The following PTPRR variants were observed in gnomAD, a reference collection of about 807,000 sequenced individuals.
PTPRR encodes receptor-type tyrosine-protein phosphatase R.
A neutral mutation model predicts 77.2 loss-of-function variants in PTPRR; 38 were observed. That is an observed-to-expected ratio of 0.49 (90% CI 0.38 to 0.65). The LOEUF is 0.65. Ranked by LOEUF, PTPRR falls within the 30% of genes least tolerant of loss-of-function variation. The pLI is 0.00. For missense variants in PTPRR, 744 were observed against 799.2 expected (o/e 0.93, Z 0.83); for synonymous variants, 299 against 283.1 (o/e 1.06, Z -0.57).
At chr12:70,820,122 T>C (rs999994246) in intron 2 of PTPRR, among the ~76,000 whole-genome samples, 3 of 152,186 alleles carry the variant, frequency 2.0e-5, no homozygotes, top group Non-Finnish European at 4.4e-5. Context: ...AGGGGTGAGT[T>C]TATTTATGCA....
In PTPRR at chr12:70,771,117, CACA is replaced by C. The variant is rs1890964045; in HGVS notation, c.358-6342_358-6340del. ...CATGTATACATATGTAACTAACCTG[CACA>C]TTGTGCACATGTACCCTAAAACTTA... On this transcript the variant is annotated intron_variant, in intron 2 of 13. Coordinates refer to ENST00000283228, the MANE Select transcript of PTPRR (RefSeq NM_002849.4). Among the ~76,000 whole-genome samples the C allele has an allele frequency of 4.0e-5, 6 of 150,368 alleles. No homozygotes were observed. The South Asian group carries it at 1.3e-3, about 32-fold the overall frequency.
chr12:70,754,551 C>G, intron 4 of PTPRR: 1 of 1,593,928 alleles, frequency 6.3e-7, no homozygotes, highest in Non-Finnish European at 8.5e-7. Context: ...CCCAGGCTTT[C>G]TAAACATCCC....
chr12:70,909,276 CTCTT>C (rs946484814), intron 1 of PTPRR, among the ~76,000 whole-genome samples: 49 of 152,250 alleles, frequency 3.2e-4, no homozygotes, highest in African/African-American at 1.1e-3. Flanking sequence ...TGTGAGAACT[CTCTT>C]TGATTTCATA....
rs1013148633 is a variant in PTPRR, at chr12:70,638,300, C to T, written c.*884G>A. 3 of 152,306 alleles carry T rather than the reference C, an allele frequency of 2.0e-5. No homozygotes were observed. Among genetic ancestry groups the T allele is most frequent in the Non-Finnish European group, 2.9e-5 (2 of 67,990 alleles). 9.4% of individuals were successfully genotyped at this position (152,306 alleles called of 1,614,324 possible). A position where few individuals can be genotyped will look rare whatever the true frequency, so the allele number is the denominator to read the frequency against. On this transcript the variant is annotated 3_prime_UTR_variant, in exon 14 of 14. Transcript: ENST00000283228. ...ATTATATCATTCCTGAAGGCATATA[C>T]CTTTTGTTGAGAGAGAGATTCCAGG...
intron 1 of PTPRR, among the ~76,000 whole-genome samples, chr12:70,901,987 TA>T (rs1200243612): frequency 9.3e-5 from 14 of 151,286 alleles, no homozygotes; most frequent in African/African-American, 1.7e-4. Flanking sequence ...AACAATCCCA[TA>T]AAAAAAGTGG....
intron 2 of PTPRR, among the ~76,000 whole-genome samples, chr12:70,838,024 T>C (rs1892334411): frequency 6.6e-6 from 1 of 152,182 alleles, no homozygotes; most frequent in Non-Finnish European, 1.5e-5. Flanking sequence ...TGGAATATTA[T>C]GATTTCCCCA....
chr12:70,690,466 C>T (rs564910699), intron 8 of PTPRR, among the ~76,000 whole-genome samples: 3 of 152,226 alleles, frequency 2.0e-5, no homozygotes, highest in East Asian at 1.9e-4. Context: ...TAAAAAATAA[C>T]GTTTTAGCAA....
At chr12:70,843,716 G>A (rs1256173265) in intron 2 of PTPRR, among the ~76,000 whole-genome samples, 1 of 151,610 alleles carries the variant, frequency 6.6e-6, no homozygotes, top group Non-Finnish European at 1.5e-5. Flanking sequence ...TATATAGAAT[G>A]ACTAATATGA....
At chr12:70,789,925 A>G (rs1891394239) in intron 2 of PTPRR, among the ~76,000 whole-genome samples, 1 of 152,190 alleles carries the variant, frequency 6.6e-6, no homozygotes, top group Non-Finnish European at 1.5e-5. Context: ...CGAATAAAAA[A>G]TAAGTAGGCA....
At chr12:70,745,690 C>T in intron 6 of PTPRR, 128 bp downstream of exon 6, 2 of 1,096,744 alleles carry the variant, frequency 1.8e-6, no homozygotes, top group Non-Finnish European at 2.6e-6. Flanking sequence ...ACTACTTCAT[C>T]TGACTGTCCA....
intron 2 of PTPRR, chr12:70,788,982 T>C: frequency 9.7e-7 from 1 of 1,035,346 alleles, no homozygotes; most frequent in Middle Eastern, 2.1e-4. Flanking sequence ...TGGTACTGTT[T>C]CTAGAGACAC....
intron 12 of PTPRR, among the ~76,000 whole-genome samples, chr12:70,659,677 G>A (rs914607834): frequency 9.2e-5 from 14 of 151,994 alleles, no homozygotes; most frequent in Admixed American, 7.2e-4. Flanking sequence ...TCCAAGTTAA[G>A]TTTAGGATAA....
intron 2 of PTPRR, among the ~76,000 whole-genome samples, chr12:70,819,349 A>G (rs991661981): frequency 1.3e-5 from 2 of 152,122 alleles, no homozygotes; most frequent in Non-Finnish European, 2.9e-5. Context: ...AAAAATAGAC[A>G]TTGGCTCATA....
At chr12:70,890,601 G>C (rs1191420548) in intron 2 of PTPRR, among the ~76,000 whole-genome samples, 1 of 151,918 alleles carries the variant, frequency 6.6e-6, no homozygotes, top group Non-Finnish European at 1.5e-5. Flanking sequence ...TTTTACCCTG[G>C]CTGGAAAAAA....
At position 70,795,940 on chromosome 12, in the gene PTPRR, T is replaced by TG. The variant is rs1555176430; in HGVS notation, c.358-31163_358-31162insC. 4.9e-4 allele frequency among the ~76,000 whole-genome samples: 66 copies of TG among 133,514 alleles called. 1 individual carries two copies. The highest frequency in any genetic ancestry group is 1.8e-3 in the African/African-American group (65 of 35,262). 87.6% of individuals were successfully genotyped at this position (133,514 alleles called of 152,430 possible). A position where few individuals can be genotyped will look rare whatever the true frequency, so the allele number is the denominator to read the frequency against. On this transcript the variant is annotated intron_variant, in intron 2 of 13. Transcript: ENST00000283228. The stretch of plus-strand genomic sequence containing the variant: ...TTTTTTTTTTTTTTTTTTTTTTTTT[T>TG]TGACACAGAGTCTTGCCCTGTGACC...
Position 70,661,031 on chromosome 12 carries a change from C to G in PTPRR, c.1675G>C (p.Asp559His). The G allele has an allele frequency of 6.2e-7, 1 of 1,613,578 alleles. No homozygotes were observed. Among genetic ancestry groups the G allele is most frequent in the Non-Finnish European group, 8.5e-7 (1 of 1,179,800 alleles). Residue 559 changes from aspartate (D) to histidine (H), a missense_variant, in exon 12 of 14, where the codon GAC becomes CAC. This residue lies in a region of PTPRR where 170 missense variants were observed against 209.8 expected (regional missense o/e 0.81). Transcript: ENST00000283228. Reference sequence around the variant, plus strand: ...AGCTGTAGGAGGGGCTGGGCACTGTCTGGAGTCTTGTGATCAGGCCATGAG... The same window carrying G: ...AGCTGTAGGAGGGGCTGGGCACTGTGTGGAGTCTTGTGATCAGGCCATGAG... ...YTSWPDHKTP[D>H]SAQPLLQLML...
At chr12:70,644,406 CA>C (rs780350795) in intron 13 of PTPRR, among the ~76,000 whole-genome samples, 6 of 152,232 alleles carry the variant, frequency 3.9e-5, no homozygotes, top group East Asian at 1.9e-4. Flanking sequence ...AGTTCATTAC[CA>C]GGGGGGACCA....
chr12:70,742,236 G>T lies in PTPRR; in HGVS notation c.1007+3582C>A, dbSNP rs184791446. ...CTAGGAAACCAGAAGTAGGTTAGAT[G>T]AATCAGAAAAGGGCTGAGATTGAGT... On this transcript the variant is annotated intron_variant, in intron 6 of 13. Coordinates refer to ENST00000283228, the MANE Select transcript of PTPRR (RefSeq NM_002849.4). Among the ~76,000 whole-genome samples the T allele has an allele frequency of 5.9e-5, 9 of 152,310 alleles. No homozygotes were observed. In the East Asian group the frequency reaches 1.5e-3, roughly 26 times the overall value.
chr12:70,718,465 C>G (rs35049602), intron 6 of PTPRR, among the ~76,000 whole-genome samples: 10,359 of 152,138 alleles, frequency 0.068, 470 homozygotes, highest in South Asian at 0.12. Flanking sequence ...CGGGGTTTCA[C>G]CATGATGGCT....
Sources: gnomAD v4.1 joint callset for allele counts (sites outside exome capture counted in the v4.1 genomes callset) on GRCh38, gnomAD v4.1.1 for gene constraint, gnomAD v4.1.1 regional missense constraint, MANE v1.5 for transcripts, NCBI Gene and HGNC (gene_info 2026-07-23, HGNC 2026-07-21) for gene names.